Variants in GABRA5 observed in about 807,000 individuals in gnomAD.
GABRA5 encodes gamma-aminobutyric acid receptor subunit alpha-5.
GABRA5 carries 18 observed loss-of-function variants against 47.3 expected under a neutral mutation model. The observed-to-expected ratio is 0.38, with a 90% CI of 0.26 to 0.56. The LOEUF (loss-of-function observed/expected upper bound fraction) is 0.56. Ranked by LOEUF, GABRA5 falls within the 20% of genes least tolerant of loss-of-function variation. The pLI, the probability that GABRA5 is intolerant of heterozygous loss-of-function variation, is 0.71. For synonymous variants in GABRA5, 237 were observed against 229.3 expected (o/e 1.03, Z -0.30); for missense variants, 365 against 599.3 (o/e 0.61, Z 4.08).
chr15:26,937,061 T>C, intron 7 of GABRA5, 124 bp from the exon 8 acceptor site: 6 of 1,197,768 alleles, frequency 5.0e-6, no homozygotes, highest in Non-Finnish European at 7.4e-6. Flanking sequence ...ATTTTTTAGG[T>C]CATGGAACCT....
intron 6 of GABRA5, among the ~76,000 whole-genome samples, chr15:26,910,669 CAGT>C (rs1435278019): frequency 5.3e-5 from 8 of 152,058 alleles, no homozygotes; most frequent in Non-Finnish European, 1.2e-4. Context: ...CATTATGCTT[CAGT>C]AAGTGAATGC....
chr15:26,884,210 G>A (rs776350493), intron 6 of GABRA5, among the ~76,000 whole-genome samples: 5 of 151,860 alleles, frequency 3.3e-5, no homozygotes, highest in Non-Finnish European at 7.4e-5. Flanking sequence ...AAAAAAAGAA[G>A]GGAATTTTTT....
chr15:26,943,453 C>T, intron 10 of GABRA5, 27 bp downstream of exon 10: 2 of 1,544,174 alleles, frequency 1.3e-6, no homozygotes, highest in Non-Finnish European at 1.8e-6. Context: ...CTCCTTTCTT[C>T]CAGGTCCCCT....
intron 3 of GABRA5, among the ~76,000 whole-genome samples, chr15:26,874,770 A>G (rs1027017858): frequency 7.7e-6 from 1 of 129,420 alleles, no homozygotes; most frequent in Non-Finnish European, 1.6e-5. Flanking sequence ...TTAACAACTT[A>G]TTTTAAAATA....
chr15:26,911,734 G>T (rs1440527784), intron 6 of GABRA5, among the ~76,000 whole-genome samples: 1 of 152,116 alleles, frequency 6.6e-6, no homozygotes, highest in Non-Finnish European at 1.5e-5. Flanking sequence ...GTGGATTGGA[G>T]CTGGATGCCA....
intron 8 of GABRA5, among the ~76,000 whole-genome samples, chr15:26,938,689 G>A (rs4887529): frequency 0.49 from 75,151 of 152,008 alleles, 18,840 homozygotes; most frequent in Middle Eastern, 0.67. Flanking sequence ...CCCATTTCTC[G>A]GCTCTGCTCC....
At chr15:26,925,217 T>G (rs1744499873) in intron 7 of GABRA5, among the ~76,000 whole-genome samples, 1 of 152,090 alleles carries the variant, frequency 6.6e-6, no homozygotes, top group Non-Finnish European at 1.5e-5. Flanking sequence ...TTTTTTTTTC[T>G]GTCTCATCTT....
At chr15:26,895,826 A>AAAAAAAAGAAG (rs1458730535) in intron 6 of GABRA5, among the ~76,000 whole-genome samples, 3,143 of 135,714 alleles carry the variant, frequency 0.023, 55 homozygotes, top group Non-Finnish European at 0.037. Flanking sequence ...AAAAAAAAAA[A>AAAAAAAAGAAG]AAGAAGAAGA....
intron 9 of GABRA5, among the ~76,000 whole-genome samples, chr15:26,941,313 C>T (rs1894378743): frequency 6.6e-6 from 1 of 151,658 alleles, no homozygotes; most frequent in African/African-American, 2.4e-5. Context: ...GGTTTTTTGG[C>T]GGGGGGTGGA....
rs569373764 is a variant in GABRA5, at chr15:26,893,122, T to G, written c.497+9565T>G. On this transcript the variant is annotated intron_variant, in intron 6 of 10. Coordinates refer to ENST00000335625, the MANE Select transcript of GABRA5 (RefSeq NM_000810.4). ...GTGGCATGTGTGTGTCTAGTGCGTG[T>G]GTATGGCGTGTTTCTAAGTGTATGG... Among the ~76,000 whole-genome samples the G allele has an allele frequency of 3.2e-3, 477 of 147,550 alleles. 2 individuals are homozygous for G. Among genetic ancestry groups the G allele is most frequent in the Non-Finnish European group, 5.7e-3 (380 of 66,640 alleles).
chr15:26,929,771 C>G (rs952930973), intron 7 of GABRA5, among the ~76,000 whole-genome samples: 1 of 152,174 alleles, frequency 6.6e-6, no homozygotes, highest in African/African-American at 2.4e-5. Context: ...CAGGGCGCCT[C>G]TCCGTCCTGC....
intron 7 of GABRA5, among the ~76,000 whole-genome samples, chr15:26,931,547 C>A (rs2140567813): frequency 6.6e-6 from 1 of 152,266 alleles, no homozygotes; most frequent in South Asian, 2.1e-4. Context: ...CAGTCTATAG[C>A]AGGTGTGTTA....
Position 26,948,301 on chromosome 15 carries a change from T to G in GABRA5, c.*68T>G, listed in dbSNP as rs975753511. The G allele has an allele frequency of 2.1e-6, 3 of 1,452,994 alleles. No individual in the cohort carries two copies. Among genetic ancestry groups the G allele is most frequent in the Non-Finnish European group, 2.8e-6 (3 of 1,067,338 alleles). The allele number at this position is 1,452,994 out of a possible 1,614,324, so 90.0% of individuals were successfully genotyped here. On this transcript the variant is annotated 3_prime_UTR_variant, in exon 11 of 11. Coordinates refer to ENST00000335625, the MANE Select transcript of GABRA5 (RefSeq NM_000810.4). The stretch of plus-strand genomic sequence containing the variant: ...AAATGGTACCAAGGAGAGGTCTTGC[T>G]CACAGGGACTCTCCATATGTGAGCA...
At chr15:26,937,732 G>A (rs1458864405) in intron 8 of GABRA5, among the ~76,000 whole-genome samples, 2 of 152,248 alleles carry the variant, frequency 1.3e-5, no homozygotes, top group Admixed American at 1.3e-4. Context: ...CTACAGAGAA[G>A]AGCTGAAATG....
At chr15:26,923,759 T>TTTC in intron 7 of GABRA5, among the ~76,000 whole-genome samples, 1 of 152,186 alleles carries the variant, frequency 6.6e-6, no homozygotes, top group Non-Finnish European at 1.5e-5. Context: ...TACACTGTCA[T>TTTC]TTTCATCTAC....
chr15:26,884,874 C>T (rs934309393), intron 6 of GABRA5, among the ~76,000 whole-genome samples: 1 of 152,208 alleles, frequency 6.6e-6, no homozygotes, highest in Non-Finnish European at 1.5e-5. Context: ...GCCTGTGCAA[C>T]ATCTCATTGC....
rs537621585 is a variant in GABRA5, at chr15:26,924,278, G to A, written c.580+9393G>A. ...CCTCTATTGATACAAGAGTTCCTGG[G>A]ATTCCTTGTTAATGCTAGTGTGTAC... On this transcript the variant is annotated intron_variant, in intron 7 of 10. Coordinates refer to ENST00000335625, the MANE Select transcript of GABRA5 (RefSeq NM_000810.4). 5.3e-5 allele frequency among the ~76,000 whole-genome samples: 8 copies of A among 151,490 alleles called. No homozygotes were observed. In the South Asian group the frequency reaches 1.7e-3, roughly 32 times the overall value.
intron 10 of GABRA5, among the ~76,000 whole-genome samples, chr15:26,947,300 A>G (rs1239680850): frequency 3.9e-5 from 6 of 152,030 alleles, no homozygotes; most frequent in Admixed American, 3.3e-4. Context: ...TATACAGATC[A>G]TTTTGTCACC....
intron 9 of GABRA5, 60 bp downstream of exon 9, chr15:26,940,137 G>A (rs1255658702): frequency 1.8e-5 from 26 of 1,481,110 alleles, no homozygotes; most frequent in Non-Finnish European, 2.1e-5. Flanking sequence ...TAACCACCCG[G>A]AAGCAACAGC....
Sources: allele counts gnomAD v4.1 joint callset (sites outside exome capture counted in the v4.1 genomes callset), GRCh38; gene constraint gnomAD v4.1.1; transcripts MANE v1.5; gene names NCBI Gene and HGNC (gene_info 2026-07-23, HGNC 2026-07-21).